Variants in PAQR5 observed in about 807,000 individuals in gnomAD.
PAQR5 encodes progestin and adipoQ receptor family member 5.
A neutral mutation model predicts 34.5 loss-of-function variants in PAQR5; 20 were observed. That is an observed-to-expected ratio of 0.58 (90% CI 0.41 to 0.84). PAQR5 has a LOEUF of 0.84. PAQR5 is among the 40% of genes least tolerant of loss of function. The pLI, the probability that PAQR5 is intolerant of heterozygous loss-of-function variation, is 0.00. For synonymous variants in PAQR5, 131 were observed against 155.6 expected, an observed-to-expected ratio of 0.84 and a Z score of 1.18; for missense variants, 378 against 412.7, an observed-to-expected ratio of 0.92 and a Z score of 0.73.
At chr15:69,398,328 C>T (rs2056516279) in intron 7 of PAQR5, among the ~76,000 whole-genome samples, 1 of 152,120 alleles carries the variant, frequency 6.6e-6, no homozygotes, top group South Asian at 2.1e-4. Flanking sequence ...ACTTTCAAAC[C>T]ATACGGGCTT....
intron 6 of PAQR5, among the ~76,000 whole-genome samples, chr15:69,395,558 C>T (rs2056399335): frequency 6.6e-6 from 1 of 152,156 alleles, no homozygotes; most frequent in Non-Finnish European, 1.5e-5. Flanking sequence ...ACCTCGGGAG[C>T]ATCGTTTCAT....
At chr15:69,338,058 C>G (rs957470946) in intron 2 of PAQR5, among the ~76,000 whole-genome samples, 7 of 152,084 alleles carry the variant, frequency 4.6e-5, no homozygotes, top group African/African-American at 1.7e-4. Flanking sequence ...GCCTGGGTGA[C>G]AGAGCAAGAC....
intron 3 of PAQR5, among the ~76,000 whole-genome samples, chr15:69,361,222 TG>T (rs1351114342): frequency 6.6e-6 from 1 of 152,252 alleles, no homozygotes; most frequent in Non-Finnish European, 1.5e-5. Context: ...CTGTGATTAG[TG>T]GGAACACAGT....
intron 6 of PAQR5, among the ~76,000 whole-genome samples, chr15:69,394,105 TTTTTTTG>T (rs1004763540): frequency 6.1e-5 from 9 of 147,786 alleles, no homozygotes; most frequent in Admixed American, 1.3e-4. Context: ...TTGATTGTTT[TTTTTTTG>T]TTTTTTGTTT....
chr15:69,301,098 G>T (rs2053596127), intron 1 of PAQR5, among the ~76,000 whole-genome samples: 1 of 150,900 alleles, frequency 6.6e-6, no homozygotes, highest in Non-Finnish European at 1.5e-5. Context: ...CCGCCTCCCG[G>T]GTTCAAGCAA....
intron 1 of PAQR5, among the ~76,000 whole-genome samples, chr15:69,333,527 C>G (rs939086489): frequency 1.3e-5 from 2 of 152,164 alleles, no homozygotes; most frequent in East Asian, 1.9e-4. Context: ...GTCCCCACCC[C>G]GCACTGGGAG....
chr15:69,384,802 A>C lies in PAQR5; in HGVS notation c.305A>C (p.His102Pro), dbSNP rs1386914919. The change falls in exon 5 of 9, where the codon CAC (histidine) becomes CCC (proline). Residue 102 changes from histidine (H) to proline (P), a missense_variant. Transcript: ENST00000395407. Reference protein sequence around the residue: ...CVYPLVSSCAHTFSSMSKNAR... With the variant: ...CVYPLVSSCAPTFSSMSKNAR... ...TACCCACTTGTGTCCAGCTGTGCGCACACCTTCAGCTCTATGTCCAAGAAT... is the reference window on the plus strand; with the variant it reads ...TACCCACTTGTGTCCAGCTGTGCGCCCACCTTCAGCTCTATGTCCAAGAAT... The C allele has an allele frequency of 6.2e-7, 1 of 1,613,936 alleles. No homozygotes were observed. The highest frequency in any genetic ancestry group is 8.5e-7 in the Non-Finnish European group (1 of 1,179,952).
At chr15:69,335,876 C>A (rs186538260) in intron 1 of PAQR5, among the ~76,000 whole-genome samples, 2 of 151,968 alleles carry the variant, frequency 1.3e-5, no homozygotes, top group East Asian at 3.8e-4. Context: ...ACAACTGGAT[C>A]GAGATATAAA....
chr15:69,330,925 C>T (rs566108592), intron 1 of PAQR5, among the ~76,000 whole-genome samples: 8 of 152,294 alleles, frequency 5.3e-5, no homozygotes, highest in Admixed American at 1.3e-4. Flanking sequence ...GCCCATGGTT[C>T]GGTGGCCCCA....
intron 3 of PAQR5, among the ~76,000 whole-genome samples, chr15:69,363,542 TGTTTTTG>T (rs767195705): frequency 7.6e-5 from 8 of 105,852 alleles, no homozygotes; most frequent in East Asian, 3.2e-4. Context: ...ATCTGTTTTT[TGTTTTTG>T]TTTTTTTTTT....
In PAQR5 at chr15:69,310,049, AAAAAAAAAC is replaced by A. The variant is rs1318349664; in HGVS notation, c.-277+11007_-277+11015del. 3.3e-5 allele frequency among the ~76,000 whole-genome samples: 3 copies of A among 91,144 alleles called. No individual in the cohort carries two copies. In the East Asian group the frequency reaches 8.7e-4, roughly 27 times the overall value. 59.8% of individuals were successfully genotyped at this position (91,144 alleles called of 152,430 possible). A position where few individuals can be genotyped will look rare whatever the true frequency, so the allele number is the denominator to read the frequency against. On this transcript the variant is annotated intron_variant, in intron 1 of 8. Coordinates refer to ENST00000395407, the MANE Select transcript of PAQR5 (RefSeq NM_017705.4). ...GGTGACAGAGTGAGACTCCATATTAAAAAAAAAACAAAAAAAACAAAACGAAACAACAAC... is the reference window on the plus strand; with the variant it reads ...GGTGACAGAGTGAGACTCCATATTAAAAAAAAAACAAAACGAAACAACAAC...
At chr15:69,378,305 T>TGGCA (rs2055771242) in intron 3 of PAQR5, among the ~76,000 whole-genome samples, 2 of 128,200 alleles carry the variant, frequency 1.6e-5, no homozygotes, top group African/African-American at 6.2e-5. Context: ...CTGACCATGG[T>TGGCA]GGCACTCCTG....
At position 69,365,175 on chromosome 15, in the gene PAQR5, C is replaced by T. The variant is rs772626520; in HGVS notation, c.51+5044C>T. ...AGGCTGGAGTGCAGTGGCGCAATCT[C>T]GGCTCACCGCAACCTCTGCCTCCCA... On this transcript the variant is annotated intron_variant, in intron 3 of 8. Coordinates refer to ENST00000395407, the MANE Select transcript of PAQR5 (RefSeq NM_017705.4). Among the ~76,000 whole-genome samples the T allele has an allele frequency of 6.6e-5, 10 of 151,864 alleles. No individual in the cohort carries two copies. In the South Asian group the frequency reaches 8.3e-4, roughly 13 times the overall value.
intron 6 of PAQR5, chr15:69,397,071 C>T (rs1437623161): frequency 4.8e-6 from 2 of 416,388 alleles, no homozygotes; most frequent in South Asian, 3.6e-5. Flanking sequence ...GCAGAGTGTG[C>T]CCCCCAAGAG....
At chr15:69,350,715 A>G (rs1020368424) in intron 2 of PAQR5, among the ~76,000 whole-genome samples, 10 of 152,240 alleles carry the variant, frequency 6.6e-5, no homozygotes, top group Non-Finnish European at 1.3e-4. Context: ...AGAGTGTAAG[A>G]ACACAGACTC....
intron 1 of PAQR5, among the ~76,000 whole-genome samples, chr15:69,310,903 G>T (rs1046551326): frequency 2.0e-5 from 3 of 151,634 alleles, no homozygotes; most frequent in African/African-American, 7.3e-5. Flanking sequence ...GCCGGGTGTG[G>T]TGGCGGGCGC....
chr15:69,369,000 G>C (rs952173677), intron 3 of PAQR5, among the ~76,000 whole-genome samples: 3 of 152,078 alleles, frequency 2.0e-5, no homozygotes, highest in Non-Finnish European at 2.9e-5. Context: ...TTAAACTCCT[G>C]GGCTCAAGAA....
chr15:69,376,216 C>G (rs76704027), intron 3 of PAQR5, among the ~76,000 whole-genome samples: 3,274 of 152,276 alleles, frequency 0.022, 126 homozygotes, highest in African/African-American at 0.073. Flanking sequence ...AATAAGCAGG[C>G]ACCTGCTTAC....
Position 69,308,605 on chromosome 15 carries a change from C to T in PAQR5, c.-277+9549C>T, listed in dbSNP as rs576142720. 9.2e-5 allele frequency among the ~76,000 whole-genome samples: 14 copies of T among 152,252 alleles called. No individual in the cohort carries two copies. The South Asian group carries it at 2.5e-3, about 27-fold the overall frequency. ...ATCTCCAAACATTGCCAAATGTCCA[C>T]TGGGGAGCAAAACCATCCCCAATGA... On this transcript the variant is annotated intron_variant, in intron 1 of 8. Coordinates refer to ENST00000395407, the MANE Select transcript of PAQR5 (RefSeq NM_017705.4).
Sources: gnomAD v4.1 joint callset for allele counts (sites outside exome capture counted in the v4.1 genomes callset) on GRCh38, gnomAD v4.1.1 for gene constraint, MANE v1.5 for transcripts, NCBI Gene and HGNC (gene_info 2026-07-23, HGNC 2026-07-21) for gene names.